Variants in UBXN2B observed in about 807,000 individuals in gnomAD.
UBXN2B encodes UBX domain protein 2B.
UBXN2B carries 19 observed loss-of-function variants against 37.5 expected under a neutral mutation model. That is an observed-to-expected ratio of 0.51 (90% CI 0.35 to 0.74). The LOEUF (loss-of-function observed/expected upper bound fraction) is 0.74, where lower values mean the gene tolerates loss of function less well. Ranked by LOEUF, UBXN2B falls within the 30% of genes least tolerant of loss-of-function variation. The pLI is 0.01. For missense variants in UBXN2B, 370 were observed against 393.2 expected (o/e 0.94, Z 0.50); for synonymous variants, 145 against 143.8 (o/e 1.01, Z -0.06).
chr8:58,419,803 A>G (rs1054507126), intron 2 of UBXN2B, among the ~76,000 whole-genome samples: 1 of 152,268 alleles, frequency 6.6e-6, no homozygotes, highest in Non-Finnish European at 1.5e-5. Flanking sequence ...GCTTAGTAGC[A>G]AATAAGGTTG....
At chr8:58,438,817 G>C (rs1307638428) in intron 5 of UBXN2B, among the ~76,000 whole-genome samples, 1 of 152,134 alleles carries the variant, frequency 6.6e-6, no homozygotes, top group African/African-American at 2.4e-5. Flanking sequence ...TGGGGGGCCA[G>C]TGGTGGAATG....
At chr8:58,433,138 A>C in intron 3 of UBXN2B, 22 bp from the exon 4 acceptor site, 1 of 1,546,618 alleles carries the variant, frequency 6.5e-7, no homozygotes, top group Non-Finnish European at 8.9e-7. Context: ...GTGAATTTTA[A>C]CTCACTTGCT....
Position 58,434,382 on chromosome 8 carries a change from C to A in UBXN2B, c.424-13C>A, listed in dbSNP as rs755465194. 117 of 1,061,514 alleles carry A rather than the reference C, an allele frequency of 1.1e-4. No homozygotes were observed. Among genetic ancestry groups the A allele is most frequent in the African/African-American group, 3.8e-4 (18 of 46,880 alleles). 65.8% of individuals were successfully genotyped at this position (1,061,514 alleles called of 1,614,324 possible). A position where few individuals can be genotyped will look rare whatever the true frequency, so the allele number is the denominator to read the frequency against. On this transcript the variant is annotated splice_polypyrimidine_tract_variant and intron_variant, in intron 4 of 7. Coordinates refer to ENST00000399598, the MANE Select transcript of UBXN2B (RefSeq NM_001077619.2). ...ATATATATATATATTTTTTTTTTTT[C>A]TATACCCAAAAGGTTCAGATTTTGC...
intron 2 of UBXN2B, among the ~76,000 whole-genome samples, chr8:58,418,511 T>C (rs2129603727): frequency 1.3e-5 from 2 of 152,352 alleles, no homozygotes; most frequent in East Asian, 3.9e-4. Flanking sequence ...ATAAAATGTC[T>C]AACATTGTAG....
At chr8:58,411,841 G>C (rs920108695) in intron 1 of UBXN2B, among the ~76,000 whole-genome samples, 2 of 152,210 alleles carry the variant, frequency 1.3e-5, no homozygotes, top group East Asian at 3.9e-4. Context: ...CACCTGAACA[G>C]TAATGATACG....
intron 6 of UBXN2B, 58 bp downstream of exon 6, chr8:58,439,828 T>C: frequency 6.5e-7 from 1 of 1,542,340 alleles, no homozygotes; most frequent in Non-Finnish European, 8.7e-7. Context: ...TCTTTGAGAA[T>C]AAGAAAAGCA....
At chr8:58,419,642 CA>C (rs1163347130) in intron 2 of UBXN2B, among the ~76,000 whole-genome samples, 1 of 152,182 alleles carries the variant, frequency 6.6e-6, no homozygotes, top group Non-Finnish European at 1.5e-5. Context: ...AGATGCCTAG[CA>C]CAGAGTTGGT....
At chr8:58,433,092 C>A in intron 3 of UBXN2B, 68 bp from the exon 4 acceptor site, 1 of 1,281,956 alleles carries the variant, frequency 7.8e-7, no homozygotes, top group Non-Finnish European at 1.1e-6. Flanking sequence ...TTTTAAAATA[C>A]ATATCACATA....
intron 2 of UBXN2B, chr8:58,424,539 G>T: frequency 1.2e-6 from 1 of 847,578 alleles, no homozygotes; most frequent in East Asian, 2.5e-5. Context: ...TTTTTAGGGA[G>T]AGAGTGAAGT....
Position 58,450,826 on chromosome 8 carries a change from G to T in UBXN2B, c.*3275G>T, listed in dbSNP as rs1585625724. 6.6e-6 allele frequency: 1 copy of T among 152,246 alleles called. No homozygotes were observed. Among genetic ancestry groups the T allele is most frequent in the African/African-American group, 2.4e-5 (1 of 41,524 alleles). The allele number at this position is 152,246 out of a possible 1,614,324, so 9.4% of individuals were successfully genotyped here. A position where few individuals can be genotyped will look rare whatever the true frequency, so the allele number is the denominator to read the frequency against. On this transcript the variant is annotated 3_prime_UTR_variant, in exon 8 of 8. Transcript: ENST00000399598. ...AAAGAGGTGAATTTACCTGTGCTAG[G>T]GTTTTCACACTGGGAGTGCTACCAG... is the stretch of plus-strand genomic sequence containing the variant.
chr8:58,419,251 ACTTC>A (rs1203296847), intron 2 of UBXN2B, among the ~76,000 whole-genome samples: 3 of 152,118 alleles, frequency 2.0e-5, no homozygotes, highest in Non-Finnish European at 4.4e-5. Context: ...CTAAGTGTAT[ACTTC>A]CTTTGATTTC....
intron 2 of UBXN2B, chr8:58,424,642 A>C (rs897159056): frequency 8.9e-7 from 1 of 1,117,744 alleles, no homozygotes; most frequent in Non-Finnish European, 1.3e-6. Flanking sequence ...ACACTCTAGC[A>C]CTGTCTGCTC....
At chr8:58,413,912 G>T (rs1807706613) in intron 1 of UBXN2B, among the ~76,000 whole-genome samples, 1 of 152,138 alleles carries the variant, frequency 6.6e-6, no homozygotes, top group Admixed American at 6.5e-5. Context: ...TTTCTGAATT[G>T]CTTTCTCTTC....
At chr8:58,437,954 C>A (rs1329687659) in intron 5 of UBXN2B, among the ~76,000 whole-genome samples, 1 of 151,254 alleles carries the variant, frequency 6.6e-6, no homozygotes, top group Non-Finnish European at 1.5e-5. Context: ...AAGGCAGCCC[C>A]CCCCCCAACC....
intron 1 of UBXN2B, among the ~76,000 whole-genome samples, chr8:58,412,696 G>A (rs1807668963): frequency 6.6e-6 from 1 of 152,162 alleles, no homozygotes; most frequent in Non-Finnish European, 1.5e-5. Context: ...ATTTTGGTTT[G>A]CCTCTTAGTC....
At chr8:58,413,509 C>T (rs1205034736) in intron 1 of UBXN2B, 1 of 152,150 alleles carries the variant, frequency 6.6e-6, no homozygotes, top group African/African-American at 2.4e-5. Context: ...GTGCAGCTTT[C>T]AGTAGATATT....
In UBXN2B at chr8:58,426,791, C is replaced by CGG. The variant is rs1387165507; in HGVS notation, c.189-3725_189-3724dup. On this transcript the variant is annotated intron_variant, in intron 2 of 7. Transcript: ENST00000399598. ...AGGGAGGCCCGCTCGGGACCAGATG[C>CGG]GGGGCGGAGCCAGCCGACTGTGCAC... 6.6e-6 allele frequency: 4 copies of CGG among 603,848 alleles called. No individual in the cohort carries two copies. In the East Asian group the frequency reaches 1.3e-4, roughly 20 times the overall value. 37.4% of individuals were successfully genotyped at this position (603,848 alleles called of 1,614,324 possible).
rs1027225079 is a variant in UBXN2B, at chr8:58,418,703, G to A, written c.188+1750G>A. Among the ~76,000 whole-genome samples, 64 of 152,320 alleles carry A rather than the reference G, an allele frequency of 4.2e-4. 1 individual carries two copies. The highest frequency in any genetic ancestry group is 1.5e-3 in the African/African-American group (62 of 41,566). On this transcript the variant is annotated intron_variant, in intron 2 of 7. Transcript: ENST00000399598. ...ACAGCACTCCATTGTAAGATACTGTGTGTCCTTTGTAATCAGCAGTTTGGT... is the reference window on the plus strand; with the variant it reads ...ACAGCACTCCATTGTAAGATACTGTATGTCCTTTGTAATCAGCAGTTTGGT...
chr8:58,435,616 T>C (rs1426390150), intron 5 of UBXN2B, among the ~76,000 whole-genome samples: 1 of 152,224 alleles, frequency 6.6e-6, no homozygotes, highest in Non-Finnish European at 1.5e-5. Context: ...AAATTGATAC[T>C]AATTTCAAGA....
Sources: gnomAD v4.1 joint callset for allele counts (sites outside exome capture counted in the v4.1 genomes callset) on GRCh38, gnomAD v4.1.1 for gene constraint, MANE v1.5 for transcripts, NCBI Gene and HGNC (gene_info 2026-07-23, HGNC 2026-07-21) for gene names.